The following MCF2L2 variants were observed in gnomAD, a reference collection of about 807,000 sequenced individuals.
The protein encoded by MCF2L2 is MCF.2 cell line derived transforming sequence-like 2.
A neutral mutation model predicts 150.2 loss-of-function variants in MCF2L2; 102 were observed. The observed-to-expected ratio is 0.68, with a 90% CI of 0.58 to 0.80. MCF2L2 has a LOEUF of 0.80. MCF2L2 is among the 30% of genes least tolerant of loss of function. The pLI is 0.00. For synonymous variants in MCF2L2, 465 were observed against 491.3 expected (o/e 0.95, Z 0.71); for missense variants, 1,256 against 1,372.8 (o/e 0.91, Z 1.34).
At chr3:183,314,389 A>C (rs1205821554) in intron 7 of MCF2L2, among the ~76,000 whole-genome samples, 4 of 152,176 alleles carry the variant, frequency 2.6e-5, no homozygotes, top group Admixed American at 2.6e-4. Context: ...ATACTGGTTT[A>C]ATATACTGAA....
rs530420292 is a variant in MCF2L2 at position 183,330,279 on chromosome 3, GAAAGGA to G, written c.487-6934_487-6929del. Among the ~76,000 whole-genome samples, 43 of 147,696 alleles carry G rather than the reference GAAAGGA, an allele frequency of 2.9e-4. 1 individual carries two copies. The East Asian group carries it at 6.3e-3, about 22-fold the overall frequency. On this transcript the variant is annotated intron_variant, in intron 5 of 29. Coordinates refer to ENST00000328913, the MANE Select transcript of MCF2L2 (RefSeq NM_015078.4). ...AAAAAAAAAAGAAGAAGAAAAAAAG[GAAAGGA>G]AAAGGAAAAGGAAAGGAAAGGAAAA...
intron 21 of MCF2L2, among the ~76,000 whole-genome samples, chr3:183,218,641 T>A (rs1341314276): frequency 6.6e-6 from 1 of 151,794 alleles, no homozygotes; most frequent in Non-Finnish European, 1.5e-5. Context: ...CTCAAAAAAA[T>A]AAAAAAATAA....
intron 2 of MCF2L2, among the ~76,000 whole-genome samples, chr3:183,387,034 CTGTT>C (rs982925718): frequency 1.1e-4 from 17 of 152,164 alleles, no homozygotes; most frequent in Admixed American, 3.3e-4. Flanking sequence ...GATGGAAAGA[CTGTT>C]TGAGCCCAGG....
Position 183,178,803 on chromosome 3 carries a change from C to G in MCF2L2, c.*577G>C, listed in dbSNP as rs1008966058. ...AGCAATCTTGGCACTAACACGAACA[C>G]CCCATGAACGCTCGCAGGGATGCTG... On this transcript the variant is annotated 3_prime_UTR_variant, in exon 30 of 30. Transcript: ENST00000328913. 1.2e-4 allele frequency: 18 copies of G among 152,480 alleles called. No individual in the cohort carries two copies. The highest frequency in any genetic ancestry group is 4.3e-4 in the African/African-American group (18 of 41,592). The allele number at this position is 152,480 out of a possible 1,614,324, so 9.4% of individuals were successfully genotyped here. A position where few individuals can be genotyped will look rare whatever the true frequency, so the allele number is the denominator to read the frequency against.
chr3:183,425,006 G>T (rs1218685212), intron 1 of MCF2L2, among the ~76,000 whole-genome samples: 1 of 152,114 alleles, frequency 6.6e-6, no homozygotes, highest in East Asian at 1.9e-4. Flanking sequence ...GAATGACTAG[G>T]TGCAGGTATT....
intron 3 of MCF2L2, among the ~76,000 whole-genome samples, chr3:183,353,297 AG>A (rs1276406315): frequency 1.3e-5 from 2 of 152,340 alleles, no homozygotes; most frequent in East Asian, 3.9e-4. Flanking sequence ...TACAGAAGGA[AG>A]AAACATGGTC....
intron 22 of MCF2L2, among the ~76,000 whole-genome samples, chr3:183,210,260 A>G (rs1310257764): frequency 3.3e-5 from 5 of 152,186 alleles, no homozygotes; most frequent in African/African-American, 7.2e-5. Flanking sequence ...TAAAGACAAT[A>G]AATCAGATGA....
intron 15 of MCF2L2, among the ~76,000 whole-genome samples, chr3:183,266,589 A>G (rs1467888388): frequency 6.6e-6 from 1 of 151,532 alleles, no homozygotes; most frequent in Non-Finnish European, 1.5e-5. Context: ...AGCACTGTGG[A>G]AAGACTGAGA....
intron 14 of MCF2L2, among the ~76,000 whole-genome samples, chr3:183,277,506 G>A (rs1207646660): frequency 2.0e-5 from 3 of 150,498 alleles, no homozygotes; most frequent in African/African-American, 7.4e-5. Context: ...AGTTGCACTC[G>A]CCCTGAGACC....
chr3:183,420,985 A>G (rs1003367892), intron 1 of MCF2L2, among the ~76,000 whole-genome samples: 11 of 151,862 alleles, frequency 7.2e-5, no homozygotes, highest in Non-Finnish European at 8.8e-5. Context: ...TTCTTGGTTG[A>G]CAATTTTCTT....
intron 15 of MCF2L2, among the ~76,000 whole-genome samples, chr3:183,238,793 G>A (rs1057260196): frequency 2.7e-5 from 4 of 150,824 alleles, no homozygotes; most frequent in East Asian, 2.0e-4. Flanking sequence ...GTCAGGAGAT[G>A]TAGACCATCC....
In MCF2L2 at chr3:183,283,092, C is replaced by G. The variant is rs749426660; in HGVS notation, c.1776+6028G>C. On this transcript the variant is annotated intron_variant, in intron 14 of 29. Coordinates refer to ENST00000328913, the MANE Select transcript of MCF2L2 (RefSeq NM_015078.4). This position sits in a 1 kb window ranked among gnomAD's most constrained non-coding sequence, Gnocchi z 4.2. Reference sequence around the variant, plus strand: ...TATCTTTGGTATCATGCTTCCTCCCCCTACCTTCTCTGCCTTGATCCCCTC... The same window carrying G: ...TATCTTTGGTATCATGCTTCCTCCCGCTACCTTCTCTGCCTTGATCCCCTC... 5.3e-5 allele frequency among the ~76,000 whole-genome samples: 8 copies of G among 152,200 alleles called. No homozygotes were observed. The highest frequency in any genetic ancestry group is 8.8e-5 in the Non-Finnish European group (6 of 68,044).
Position 183,340,233 on chromosome 3 carries a change from C to A in MCF2L2, c.366+1307G>T, listed in dbSNP as rs536041942. 3.3e-5 allele frequency among the ~76,000 whole-genome samples: 5 copies of A among 152,186 alleles called. No homozygotes were observed. In the South Asian group the frequency reaches 1.0e-3, roughly 31 times the overall value. ...ACATAATTTGTGAATTTGGATGAGG[C>A]TCTAGAGCGATCTGAGAGGGACTCC... On this transcript the variant is annotated intron_variant, in intron 4 of 29. Coordinates refer to ENST00000328913, the MANE Select transcript of MCF2L2 (RefSeq NM_015078.4).
At chr3:183,248,990 G>A (rs778588637) in intron 15 of MCF2L2, among the ~76,000 whole-genome samples, 2 of 152,118 alleles carry the variant, frequency 1.3e-5, no homozygotes, top group African/African-American at 4.8e-5. Flanking sequence ...CATTTCCAGG[G>A]GCTGTAATTG....
intron 1 of MCF2L2, among the ~76,000 whole-genome samples, chr3:183,414,113 ACTT>A (rs941580619): frequency 5.3e-5 from 8 of 152,270 alleles, no homozygotes; most frequent in African/African-American, 1.7e-4. Flanking sequence ...GAATATTCTC[ACTT>A]CTTCTATTTT....
At chr3:183,257,810 C>T (rs908793444) in intron 15 of MCF2L2, among the ~76,000 whole-genome samples, 8 of 151,942 alleles carry the variant, frequency 5.3e-5, no homozygotes, top group African/African-American at 7.3e-5. Context: ...TCCTTTTTTC[C>T]GTTTTTTCCC....
chr3:183,182,446 A>C (rs1425293242), intron 27 of MCF2L2: 1 of 152,328 alleles, frequency 6.6e-6, no homozygotes. Flanking sequence ...CACAGCATAC[A>C]CGCAGAAACA....
chr3:183,399,900 T>A (rs1367526463), intron 1 of MCF2L2, among the ~76,000 whole-genome samples: 2 of 152,130 alleles, frequency 1.3e-5, no homozygotes, highest in African/African-American at 4.8e-5. Flanking sequence ...TTACTACCAC[T>A]TGGACAAAAG....
At chr3:183,264,157 T>C (rs530440617) in intron 15 of MCF2L2, among the ~76,000 whole-genome samples, 1 of 152,318 alleles carries the variant, frequency 6.6e-6, no homozygotes, top group East Asian at 1.9e-4. Flanking sequence ...CTAAGACTCC[T>C]CTACCTGATT....
Sources: allele counts gnomAD v4.1 joint callset (sites outside exome capture counted in the v4.1 genomes callset), GRCh38; gene constraint gnomAD v4.1.1; non-coding constraint Gnocchi (gnomAD v3.1); transcripts MANE v1.5; gene names NCBI Gene and HGNC (gene_info 2026-07-23, HGNC 2026-07-21).